The following KAZN variants were observed in gnomAD, a reference collection of about 807,000 sequenced individuals.
KAZN encodes kazrin.
Under a neutral mutation model 87.4 loss-of-function variants are expected in KAZN, and 40 were observed. The observed-to-expected ratio is 0.46, with a 90% confidence interval of 0.36 to 0.60. The LOEUF (loss-of-function observed/expected upper bound fraction) is 0.60. Among genes scored for constraint, KAZN ranks in the 20% least tolerant of loss-of-function variants. The pLI, the probability that KAZN is intolerant of heterozygous loss-of-function variation, is 0.00. For synonymous variants in KAZN, 466 were observed against 458.3 expected (o/e 1.02, Z -0.22); for missense variants, 898 against 1,073.9 (o/e 0.84, Z 2.29).
At chr1:14,444,819 C>A (rs917961861) in intron 2 of KAZN, among the ~76,000 whole-genome samples, 1 of 152,180 alleles carries the variant, frequency 6.6e-6, no homozygotes, top group Non-Finnish European at 1.5e-5. Flanking sequence ...TATATCTAAT[C>A]ACCGCACTAG....
chr1:14,742,075 A>G (rs1035333756), intron 1 of KAZN, among the ~76,000 whole-genome samples: 1 of 152,162 alleles, frequency 6.6e-6, no homozygotes. Flanking sequence ...CCCCTTTGGA[A>G]TTGTCCCAGT....
chr1:14,880,129 G>A (rs1362093600), intron 1 of KAZN, among the ~76,000 whole-genome samples: 1 of 152,148 alleles, frequency 6.6e-6, no homozygotes, highest in Non-Finnish European at 1.5e-5. Flanking sequence ...GGGACTGGAG[G>A]GAGGAGAGTT....
chr1:14,061,959 G>A (rs557936412), intron 1 of KAZN, among the ~76,000 whole-genome samples: 67 of 152,228 alleles, frequency 4.4e-4, no homozygotes, highest in Non-Finnish European at 9.0e-4. Context: ...AGAAAAATGT[G>A]CCTTGTTGAA....
At chr1:14,926,159 G>T (rs10927576) in intron 1 of KAZN, among the ~76,000 whole-genome samples, 2 of 152,010 alleles carry the variant, frequency 1.3e-5, no homozygotes, top group Admixed American at 6.6e-5. Flanking sequence ...AGATTGTGGC[G>T]CTCTCTGCTC....
intron 2 of KAZN, among the ~76,000 whole-genome samples, chr1:14,286,611 C>G (rs186720854): frequency 1.7e-4 from 26 of 152,258 alleles, no homozygotes; most frequent in Admixed American, 7.2e-4. Context: ...CTGTTAATAC[C>G]ATTAATTCAG....
intron 1 of KAZN, among the ~76,000 whole-genome samples, chr1:14,722,626 T>C (rs932948006): frequency 1.4e-4 from 22 of 152,240 alleles, no homozygotes; most frequent in African/African-American, 5.1e-4. Flanking sequence ...TGTCTATTAC[T>C]TGGTATCTCT....
chr1:15,074,013 G>T (rs74059810), intron 8 of KAZN, among the ~76,000 whole-genome samples: 5 of 152,280 alleles, frequency 3.3e-5, no homozygotes, highest in African/African-American at 1.2e-4. Context: ...CCAGCCCAGC[G>T]CCTTCAGGGC....
intron 2 of KAZN, among the ~76,000 whole-genome samples, chr1:14,392,337 C>T (rs533503217): frequency 9.9e-5 from 15 of 152,142 alleles, no homozygotes; most frequent in South Asian, 4.1e-4. Context: ...CCAGCCTGCA[C>T]GATGACTCTG....
At chr1:14,485,227 C>T (rs1425084995) in intron 2 of KAZN, among the ~76,000 whole-genome samples, 2 of 152,230 alleles carry the variant, frequency 1.3e-5, no homozygotes, top group African/African-American at 4.8e-5. Flanking sequence ...ATTTCCCTTT[C>T]ATTGACCACG....
chr1:13,971,481 A>T (rs985197174), intron 1 of KAZN, among the ~76,000 whole-genome samples: 1 of 152,110 alleles, frequency 6.6e-6, no homozygotes, highest in Non-Finnish European at 1.5e-5. Flanking sequence ...TGCATTTTCA[A>T]TGTAGGCCCG....
intron 2 of KAZN, among the ~76,000 whole-genome samples, chr1:14,245,077 C>T (rs950031248): frequency 3.9e-5 from 6 of 152,046 alleles, no homozygotes; most frequent in African/African-American, 1.4e-4. Flanking sequence ...TCTCCTGCCT[C>T]AGCCTCCCGA....
chr1:14,384,916 G>A (rs537790174), intron 2 of KAZN, among the ~76,000 whole-genome samples: 1 of 151,664 alleles, frequency 6.6e-6, no homozygotes, highest in East Asian at 1.9e-4. Flanking sequence ...TGTACCTCTG[G>A]TAGAATTCGG....
intron 1 of KAZN, among the ~76,000 whole-genome samples, chr1:14,610,192 CTGTT>C (rs59330567): frequency 0.16 from 24,878 of 151,206 alleles, 2,850 homozygotes; most frequent in African/African-American, 0.33. Context: ...TTCCAATGAC[CTGTT>C]TGTTTGTTTG....
chr1:14,340,984 T>C (rs956464486), intron 2 of KAZN, among the ~76,000 whole-genome samples: 1 of 135,122 alleles, frequency 7.4e-6, no homozygotes, highest in Admixed American at 8.8e-5. Context: ...GCCTCCCGGG[T>C]TCAAGCAATT....
chr1:13,956,301 C>CT (rs61110392), intron 1 of KAZN, among the ~76,000 whole-genome samples: 2 of 95,636 alleles, frequency 2.1e-5, no homozygotes, highest in South Asian at 5.1e-4. Flanking sequence ...CATTTCTTTT[C>CT]TTTTTTTTCT....
rs189068239 is a variant in KAZN at position 13,994,024 on chromosome 1, C to T, written c.91+100268C>T. Reference sequence around the variant, plus strand: ...TCTGGAATGAAGTCTGAATTTTTATCCAAAAAGGACCTCGTTCCACTGTTG... The same window carrying T: ...TCTGGAATGAAGTCTGAATTTTTATTCAAAAAGGACCTCGTTCCACTGTTG... On this transcript the variant is annotated intron_variant, in intron 1 of 16. Transcript: ENST00000636203. Among the ~76,000 whole-genome samples the T allele has an allele frequency of 1.1e-3, 164 of 152,270 alleles. 1 individual carries two copies. Among genetic ancestry groups the T allele is most frequent in the Middle Eastern group, 3.4e-3 (1 of 294 alleles).
intron 1 of KAZN, among the ~76,000 whole-genome samples, chr1:14,002,857 A>G (rs566400657): frequency 1.3e-5 from 2 of 152,336 alleles, no homozygotes; most frequent in South Asian, 2.1e-4. Flanking sequence ...ATTACTGAGT[A>G]TATACCCAAA....
intron 1 of KAZN, among the ~76,000 whole-genome samples, chr1:14,641,015 A>G (rs1001876626): frequency 1.3e-5 from 2 of 152,288 alleles, no homozygotes; most frequent in African/African-American, 4.8e-5. Context: ...GTAACCATGA[A>G]TGCGTATCCC....
At chr1:14,240,551 A>C (rs1470313306) in intron 2 of KAZN, among the ~76,000 whole-genome samples, 2 of 152,310 alleles carry the variant, frequency 1.3e-5, no homozygotes, top group South Asian at 2.1e-4. Flanking sequence ...AATATCCCCA[A>C]ATTAAGGGGT....
Sources: allele counts gnomAD v4.1 joint callset (sites outside exome capture counted in the v4.1 genomes callset), GRCh38; gene constraint gnomAD v4.1.1; transcripts MANE v1.5; gene names NCBI Gene and HGNC (gene_info 2026-07-23, HGNC 2026-07-21).